Variants in NPAS3 observed in about 807,000 individuals in gnomAD.
NPAS3 encodes the protein neuronal PAS domain-containing protein 3.
In NPAS3, 14 loss-of-function variants were observed where a neutral mutation model predicts 73.1. That is an observed-to-expected ratio of 0.19 (90% confidence interval 0.13 to 0.30). The LOEUF (loss-of-function observed/expected upper bound fraction) is 0.30, where lower values mean the gene tolerates loss of function less well. NPAS3 is among the 10% of genes least tolerant of loss of function. NPAS3 has a pLI of 1.00. For synonymous variants in NPAS3, 620 were observed against 541.5 expected, an observed-to-expected ratio of 1.14 and a Z score of -2.01; for missense variants, 1,096 against 1,250.0, an observed-to-expected ratio of 0.88 and a Z score of 1.86.
chr14:33,065,572 G>A lies in NPAS3; in HGVS notation c.140+9578G>A, dbSNP rs10134024. 2.3e-3 allele frequency among the ~76,000 whole-genome samples: 350 copies of A among 152,070 alleles called. 1 individual carries two copies. The highest frequency in any genetic ancestry group is 8.1e-3 in the African/African-American group (338 of 41,502). ...TGGCAAATTTGAGACGTTGTGATTC[G>A]TATATCAATTTGAGAATTCTTTGGA... On this transcript the variant is annotated intron_variant, in intron 2 of 11. Transcript: ENST00000356141.
At chr14:33,353,325 G>T (rs759238369) in intron 3 of NPAS3, among the ~76,000 whole-genome samples, 8 of 152,140 alleles carry the variant, frequency 5.3e-5, no homozygotes, top group Non-Finnish European at 8.8e-5. Context: ...ATAATCACTT[G>T]CAATACTTGC....
At chr14:33,280,915 G>A (rs1349383766) in intron 3 of NPAS3, among the ~76,000 whole-genome samples, 1 of 152,022 alleles carries the variant, frequency 6.6e-6, no homozygotes, top group Non-Finnish European at 1.5e-5. Context: ...GTAATCAGAA[G>A]GAATTTACAA....
chr14:32,941,198 C>T (rs1467491752), intron 1 of NPAS3, among the ~76,000 whole-genome samples: 1 of 79,132 alleles, frequency 1.3e-5, no homozygotes, highest in African/African-American at 5.3e-5. Flanking sequence ...CTTCCCCCTC[C>T]CCTCCCCTCC....
chr14:33,414,035 T>C (rs1241605370), intron 4 of NPAS3, among the ~76,000 whole-genome samples: 1 of 152,168 alleles, frequency 6.6e-6, no homozygotes, highest in African/African-American at 2.4e-5. Context: ...TCTTTATTTT[T>C]CTCAGAATCA....
chr14:32,999,264 C>A (rs1205636113), intron 1 of NPAS3, among the ~76,000 whole-genome samples: 1 of 152,110 alleles, frequency 6.6e-6, no homozygotes, highest in African/African-American at 2.4e-5. Context: ...GTAATCCCAG[C>A]CCTTTGGGAG....
intron 2 of NPAS3, among the ~76,000 whole-genome samples, chr14:33,084,803 G>A (rs1020957636): frequency 2.0e-5 from 3 of 152,276 alleles, no homozygotes; most frequent in East Asian, 1.9e-4. Context: ...TCTGGAAACC[G>A]TCTGCCCTCA....
At chr14:33,298,471 C>T (rs578010364) in intron 3 of NPAS3, among the ~76,000 whole-genome samples, 31 of 152,266 alleles carry the variant, frequency 2.0e-4, no homozygotes, top group African/African-American at 7.2e-4. Context: ...CTTTGTGACA[C>T]TTTTGCCTGT....
chr14:33,648,456 C>G (rs1187669301), intron 5 of NPAS3, among the ~76,000 whole-genome samples: 1 of 152,130 alleles, frequency 6.6e-6, no homozygotes, highest in Non-Finnish European at 1.5e-5. Context: ...TCACAGAAAA[C>G]TTGTTTAACA....
upstream of NPAS3, among the ~76,000 whole-genome samples, chr14:32,938,137 C>T (rs542667960): frequency 1.8e-4 from 28 of 152,234 alleles, no homozygotes; most frequent in African/African-American, 6.5e-4. Flanking sequence ...ACGTCCGTGA[C>T]TGATGCAGAT....
At chr14:33,516,528 A>G (rs932455458) in intron 4 of NPAS3, among the ~76,000 whole-genome samples, 2 of 152,148 alleles carry the variant, frequency 1.3e-5, no homozygotes, top group African/African-American at 4.8e-5. Context: ...AACCAGAGTC[A>G]GACTATCTAG....
At chr14:33,656,007 G>C (rs970805837) in intron 5 of NPAS3, among the ~76,000 whole-genome samples, 1 of 152,090 alleles carries the variant, frequency 6.6e-6, no homozygotes, top group African/African-American at 2.4e-5. Context: ...TTTCTCACTT[G>C]GTGGTTGTGC....
intron 5 of NPAS3, among the ~76,000 whole-genome samples, chr14:33,666,049 G>GAGAT (rs976381002): frequency 7.7e-4 from 118 of 152,276 alleles, no homozygotes; most frequent in Middle Eastern, 6.8e-3. Flanking sequence ...GAAGAAAAAT[G>GAGAT]AGATAGGACA....
chr14:33,748,239 A>C (rs2061861657), intron 7 of NPAS3, among the ~76,000 whole-genome samples: 1 of 152,206 alleles, frequency 6.6e-6, no homozygotes, highest in South Asian at 2.1e-4. Context: ...AGAGATGAGA[A>C]TATGTAGCCA....
chr14:33,107,302 G>A (rs995400380), intron 2 of NPAS3, among the ~76,000 whole-genome samples: 5 of 152,214 alleles, frequency 3.3e-5, no homozygotes, highest in South Asian at 2.1e-4. Flanking sequence ...TTGTCACAAA[G>A]GTATATTGCG....
intron 4 of NPAS3, among the ~76,000 whole-genome samples, chr14:33,517,232 G>A (rs2053345137): frequency 6.6e-6 from 1 of 152,008 alleles, no homozygotes; most frequent in Admixed American, 6.6e-5. Flanking sequence ...TTTCCGGTGG[G>A]TTCTTCTCTG....
chr14:33,245,281 C>G (rs1566718244), intron 3 of NPAS3, among the ~76,000 whole-genome samples: 1 of 152,126 alleles, frequency 6.6e-6, no homozygotes, highest in Non-Finnish European at 1.5e-5. Flanking sequence ...ACTACTACTA[C>G]TGAGTATTTC....
At chr14:33,578,765 G>T (rs967350500) in intron 5 of NPAS3, among the ~76,000 whole-genome samples, 6 of 152,150 alleles carry the variant, frequency 3.9e-5, no homozygotes, top group African/African-American at 1.4e-4. Context: ...AGGATCAGAG[G>T]TCATTTAGGA....
At chr14:32,991,234 C>G (rs900127775) in intron 1 of NPAS3, among the ~76,000 whole-genome samples, 4 of 151,798 alleles carry the variant, frequency 2.6e-5, no homozygotes, top group African/African-American at 7.3e-5. Flanking sequence ...CCCCAGAAAG[C>G]CTTTCTAGGT....
intron 1 of NPAS3, among the ~76,000 whole-genome samples, chr14:32,939,733 G>A (rs2035897057): frequency 2.0e-5 from 3 of 152,012 alleles, no homozygotes; most frequent in Admixed American, 2.0e-4. Context: ...GTGGGGGGCC[G>A]GGGATCCCCG....
Sources: allele counts gnomAD v4.1 joint callset (sites outside exome capture counted in the v4.1 genomes callset), GRCh38; gene constraint gnomAD v4.1.1; transcripts MANE v1.5; gene names NCBI Gene and HGNC (gene_info 2026-07-23, HGNC 2026-07-21).